The following SLC38A9 variants were observed in gnomAD, a reference collection of about 807,000 sequenced individuals.
The protein encoded by SLC38A9 is solute carrier family 38 member 9, also known as neutral amino acid transporter 9.
A neutral mutation model predicts 62.3 loss-of-function variants in SLC38A9; 48 were observed. The observed-to-expected ratio is 0.77, with a 90% CI of 0.61 to 0.98. The LOEUF is 0.98. SLC38A9 is among the 50% of genes least tolerant of loss of function. The pLI is 0.00. For missense variants in SLC38A9, 541 were observed against 679.8 expected, an observed-to-expected ratio of 0.80 and a Z score of 2.27; for synonymous variants, 204 against 227.7, an observed-to-expected ratio of 0.90 and a Z score of 0.94.
chr5:55,675,768 T>C (rs1320702644), intron 3 of SLC38A9, among the ~76,000 whole-genome samples: 1 of 152,224 alleles, frequency 6.6e-6, no homozygotes, highest in African/African-American at 2.4e-5. Flanking sequence ...CCTCATATTT[T>C]CATTTAATAC....
Position 55,690,814 on chromosome 5 carries a change from G to C in SLC38A9, c.113+7032C>G, listed in dbSNP as rs553706101. ...TGCTAAGAGGACAATCTGAGATGTGGAGTTAGAGATGTCTTAAATCTAAAT... is the reference window on the plus strand; with the variant it reads ...TGCTAAGAGGACAATCTGAGATGTGCAGTTAGAGATGTCTTAAATCTAAAT... On this transcript the variant is annotated intron_variant, in intron 3 of 15. Transcript: ENST00000396865. 7.2e-5 allele frequency among the ~76,000 whole-genome samples: 11 copies of C among 152,246 alleles called. No individual in the cohort carries two copies. In the South Asian group the frequency reaches 1.9e-3, roughly 26 times the overall value.
At chr5:55,663,746 A>C (rs1750019308) in intron 8 of SLC38A9, among the ~76,000 whole-genome samples, 1 of 152,160 alleles carries the variant, frequency 6.6e-6, no homozygotes, top group Admixed American at 6.6e-5. Flanking sequence ...AAAACCTCTC[A>C]AAAAATAAAA....
chr5:55,689,565 C>G (rs1754434107), intron 3 of SLC38A9, among the ~76,000 whole-genome samples: 1 of 152,188 alleles, frequency 6.6e-6, no homozygotes, highest in South Asian at 2.1e-4. Flanking sequence ...ACCCTTTTGA[C>G]TAAATATATA....
chr5:55,701,937 C>G (rs953127845), intron 2 of SLC38A9, among the ~76,000 whole-genome samples: 1 of 152,278 alleles, frequency 6.6e-6, no homozygotes, highest in Middle Eastern at 3.4e-3. Context: ...TGTTCTTTGT[C>G]ATTTCTTTCT....
chr5:55,673,687 C>T (rs1184538914), intron 3 of SLC38A9, among the ~76,000 whole-genome samples: 1 of 150,462 alleles, frequency 6.6e-6, no homozygotes, highest in Non-Finnish European at 1.5e-5. Flanking sequence ...GTAACCATTT[C>T]TGGAGATACT....
At chr5:55,703,108 A>G (rs575105009) in intron 2 of SLC38A9, among the ~76,000 whole-genome samples, 12 of 152,304 alleles carry the variant, frequency 7.9e-5, no homozygotes, top group African/African-American at 2.9e-4. Flanking sequence ...CAATATATTC[A>G]TTCAACAAGT....
At chr5:55,627,092 G>T (rs1742570219) in intron 15 of SLC38A9, among the ~76,000 whole-genome samples, 1 of 152,112 alleles carries the variant, frequency 6.6e-6, no homozygotes, top group Non-Finnish European at 1.5e-5. Context: ...GATTACGAAA[G>T]ATAATAACAA....
chr5:55,630,204 C>T lies in SLC38A9; in HGVS notation c.1431-2224G>A, dbSNP rs537491401. On this transcript the variant is annotated intron_variant, in intron 14 of 15. Transcript: ENST00000396865. Reference sequence around the variant, plus strand: ...GCTGGATTTTCTTCACAAATCTAAACGAAAACAGGATATTATAACATGGAA... The same window carrying T: ...GCTGGATTTTCTTCACAAATCTAAATGAAAACAGGATATTATAACATGGAA... 2.6e-4 allele frequency among the ~76,000 whole-genome samples: 40 copies of T among 151,614 alleles called. No individual in the cohort carries two copies. The East Asian group carries it at 5.0e-3, about 19-fold the overall frequency.
intron 4 of SLC38A9, 91 bp from the exon 5 acceptor site, chr5:55,669,970 T>C: frequency 1.8e-6 from 2 of 1,121,202 alleles, no homozygotes; most frequent in South Asian, 3.9e-5. Flanking sequence ...TCTAGACACC[T>C]TTTTTTTTCT....
intron 7 of SLC38A9, among the ~76,000 whole-genome samples, chr5:55,666,810 G>C (rs1300653250): frequency 1.3e-5 from 2 of 152,122 alleles, no homozygotes; most frequent in Non-Finnish European, 2.9e-5. Flanking sequence ...GATGGATCAC[G>C]AAGTCAGGAG....
intron 2 of SLC38A9, among the ~76,000 whole-genome samples, chr5:55,709,891 C>A (rs1374563052): frequency 6.6e-6 from 1 of 151,170 alleles, no homozygotes; most frequent in African/African-American, 2.4e-5. Context: ...ATGGTGAAAC[C>A]CCATCTCTAC....
intron 8 of SLC38A9, among the ~76,000 whole-genome samples, chr5:55,659,911 A>G (rs1385974745): frequency 6.6e-6 from 1 of 150,914 alleles, no homozygotes; most frequent in Non-Finnish European, 1.5e-5. Flanking sequence ...GACTACAGGC[A>G]CCCGCCACCA....
intron 2 of SLC38A9, among the ~76,000 whole-genome samples, chr5:55,704,642 T>C (rs1757066656): frequency 6.6e-6 from 1 of 152,214 alleles, no homozygotes; most frequent in African/African-American, 2.4e-5. Flanking sequence ...TATTGATAAG[T>C]AGCCAGAACC....
intron 9 of SLC38A9, among the ~76,000 whole-genome samples, chr5:55,654,284 A>G (rs13175854): frequency 0.6 from 90,382 of 151,898 alleles, 27,558 homozygotes; most frequent in South Asian, 0.7. Context: ...TCTACGCTCT[A>G]GACAGAAATT....
intron 7 of SLC38A9, among the ~76,000 whole-genome samples, chr5:55,665,305 G>A (rs1750277184): frequency 6.6e-6 from 1 of 152,010 alleles, no homozygotes; most frequent in African/African-American, 2.4e-5. Context: ...CAGCACGTTG[G>A]GAGGCCGAGG....
At chr5:55,655,914 T>C (rs1272423212) in intron 9 of SLC38A9, among the ~76,000 whole-genome samples, 3 of 152,170 alleles carry the variant, frequency 2.0e-5, no homozygotes, top group Admixed American at 2.0e-4. Context: ...ATTAAACTCA[T>C]TGGCTCACAA....
intron 10 of SLC38A9, among the ~76,000 whole-genome samples, chr5:55,649,790 C>A (rs1163960980): frequency 6.6e-6 from 1 of 151,908 alleles, no homozygotes; most frequent in African/African-American, 2.4e-5. Flanking sequence ...CCACTGCACT[C>A]CAGCCTGGGC....
At chr5:55,628,545 T>C (rs1045277425) in intron 14 of SLC38A9, among the ~76,000 whole-genome samples, 42 of 152,154 alleles carry the variant, frequency 2.8e-4, no homozygotes, top group African/African-American at 9.7e-4. Context: ...TTTGTTACAA[T>C]TTGGGGTTTT....
At chr5:55,643,170 G>T (rs1344005936) in intron 12 of SLC38A9, among the ~76,000 whole-genome samples, 3 of 152,320 alleles carry the variant, frequency 2.0e-5, no homozygotes, top group Middle Eastern at 3.4e-3. Flanking sequence ...AAGGTAGAAA[G>T]TTAGGTTTTT....
Sources: allele counts gnomAD v4.1 joint callset (sites outside exome capture counted in the v4.1 genomes callset), GRCh38; gene constraint gnomAD v4.1.1; transcripts MANE v1.5; gene names NCBI Gene and HGNC (gene_info 2026-07-23, HGNC 2026-07-21).